The following PDE4D variants were observed in gnomAD, a reference collection of about 807,000 sequenced individuals.
The protein encoded by PDE4D is phosphodiesterase 4D.
Under a neutral mutation model 87.4 loss-of-function variants are expected in PDE4D, and 24 were observed. The ratio of observed to expected loss-of-function variants is 0.27; its 90% CI spans 0.20 to 0.39. The LOEUF is 0.39. Among genes scored for constraint, PDE4D ranks in the 10% least tolerant of loss-of-function variants. The pLI is 1.00. For missense variants in PDE4D, 714 were observed against 1,041.0 expected (o/e 0.69, Z 4.32); for synonymous variants, 384 against 383.2 (o/e 1.00, Z -0.02).
intron 5 of PDE4D, among the ~76,000 whole-genome samples, chr5:59,159,932 G>A (rs951373012): frequency 1.3e-5 from 2 of 152,074 alleles, no homozygotes; most frequent in South Asian, 2.1e-4. Flanking sequence ...TTTGCTGCTC[G>A]TTACTGTAGG....
chr5:59,839,637 T>C (rs1162790093), intron 1 of PDE4D, among the ~76,000 whole-genome samples: 1 of 152,044 alleles, frequency 6.6e-6, no homozygotes, highest in Non-Finnish European at 1.5e-5. Context: ...AGACTGTACA[T>C]TATTTTTCAT....
intron 1 of PDE4D, among the ~76,000 whole-genome samples, chr5:59,477,828 T>G (rs56213552): frequency 0.035 from 5,372 of 152,094 alleles, 316 homozygotes; most frequent in African/African-American, 0.12. Flanking sequence ...AAAGAAAATG[T>G]GGTACAAATA....
chr5:59,113,840 G>A (rs1021224654), intron 5 of PDE4D, among the ~76,000 whole-genome samples: 14 of 152,246 alleles, frequency 9.2e-5, no homozygotes, highest in African/African-American at 3.1e-4. Context: ...CAGATTTGTG[G>A]TGAGGATTAT....
At chr5:59,073,115 G>A (rs1332022876) in intron 5 of PDE4D, among the ~76,000 whole-genome samples, 1 of 152,096 alleles carries the variant, frequency 6.6e-6, no homozygotes, top group Non-Finnish European at 1.5e-5. Flanking sequence ...AAACTTTATT[G>A]AACAGTTGGT....
chr5:59,162,853 C>CAAAAAAAAAA lies in PDE4D; in HGVS notation c.808+17732_808+17741dup, dbSNP rs368976708. On this transcript the variant is annotated intron_variant, in intron 5 of 14. Coordinates refer to ENST00000340635, the MANE Select transcript of PDE4D (RefSeq NM_001104631.2). ...CTGAGCAAAAAGTGAGACCCTGCATCAAAAAAAAAAAAAATTGTAATTAAA... is the reference window on the plus strand; with the variant it reads ...CTGAGCAAAAAGTGAGACCCTGCATCAAAAAAAAAAAAAAAAAAAAAAAATTGTAATTAAA... 2.2e-4 allele frequency among the ~76,000 whole-genome samples: 27 copies of CAAAAAAAAAA among 121,556 alleles called. 1 individual carries two copies. Among genetic ancestry groups the CAAAAAAAAAA allele is most frequent in the East Asian group, 4.6e-4 (2 of 4,332 alleles). The allele number at this position is 121,556 out of a possible 152,430, so 79.7% of individuals were successfully genotyped here.
At chr5:60,150,528 T>C (rs933787623) in intron 2 of PDE4D, among the ~76,000 whole-genome samples, 6 of 152,032 alleles carry the variant, frequency 3.9e-5, no homozygotes, top group Admixed American at 3.3e-4. Flanking sequence ...TTAAAAAGTG[T>C]CTCTCAGAGA....
At chr5:60,114,523 G>A (rs1452663992) in intron 2 of PDE4D, among the ~76,000 whole-genome samples, 1 of 152,058 alleles carries the variant, frequency 6.6e-6, no homozygotes, top group Non-Finnish European at 1.5e-5. Flanking sequence ...TTTCAGAGCT[G>A]GAGGTCAAGA....
At chr5:59,259,014 TTTC>T (rs1761490854) in intron 1 of PDE4D, among the ~76,000 whole-genome samples, 1 of 151,860 alleles carries the variant, frequency 6.6e-6, no homozygotes, top group African/African-American at 2.4e-5. Flanking sequence ...TCCATTATCA[TTTC>T]ACTTGTGAGA....
intron 1 of PDE4D, among the ~76,000 whole-genome samples, chr5:59,501,610 C>T (rs970092739): frequency 6.6e-6 from 1 of 152,042 alleles, no homozygotes. Context: ...ACTTTCCAGA[C>T]AGAAAAAACC....
chr5:59,412,646 T>G (rs1422566018), intron 1 of PDE4D, among the ~76,000 whole-genome samples: 1 of 152,240 alleles, frequency 6.6e-6, no homozygotes, highest in African/African-American at 2.4e-5. Context: ...AGCAATACAA[T>G]GAGAGGTTGT....
At chr5:59,594,171 A>T (rs1484676087) in intron 1 of PDE4D, among the ~76,000 whole-genome samples, 1 of 151,080 alleles carries the variant, frequency 6.6e-6, no homozygotes, top group Non-Finnish European at 1.5e-5. Flanking sequence ...CCTGAAAAAC[A>T]CTTAGGAGAT....
intron 1 of PDE4D, among the ~76,000 whole-genome samples, chr5:59,403,584 T>C (rs1791078924): frequency 6.6e-6 from 1 of 152,064 alleles, no homozygotes; most frequent in Admixed American, 6.6e-5. Flanking sequence ...CCTGGATAAT[T>C]TCATTTAACA....
intron 1 of PDE4D, among the ~76,000 whole-genome samples, chr5:59,298,397 G>A (rs1357511766): frequency 6.6e-6 from 1 of 152,074 alleles, no homozygotes; most frequent in Non-Finnish European, 1.5e-5. Flanking sequence ...ATTACGGTGT[G>A]AGCCACCGTG....
chr5:60,020,360 G>GA (rs1345455845), intron 2 of PDE4D, among the ~76,000 whole-genome samples: 1 of 152,138 alleles, frequency 6.6e-6, no homozygotes, highest in African/African-American at 2.4e-5. Context: ...ACATGCTGTG[G>GA]AAAAATGGCA....
chr5:59,651,933 T>C (rs1469142046), intron 1 of PDE4D, among the ~76,000 whole-genome samples: 1 of 152,200 alleles, frequency 6.6e-6, no homozygotes, highest in Non-Finnish European at 1.5e-5. Flanking sequence ...TAAATTGCCT[T>C]AGCTAAAGAG....
intron 1 of PDE4D, among the ~76,000 whole-genome samples, chr5:59,604,590 C>T (rs1827937869): frequency 6.6e-6 from 1 of 151,826 alleles, no homozygotes; most frequent in Admixed American, 6.6e-5. Flanking sequence ...ACCAATAACC[C>T]AGAAGAAAAA....
chr5:60,337,362 T>G (rs1167292144), intron 1 of PDE4D, among the ~76,000 whole-genome samples: 1 of 105,090 alleles, frequency 9.5e-6, no homozygotes, highest in Non-Finnish European at 1.9e-5. Flanking sequence ...TATATATATA[T>G]ATATATATAT....
At chr5:59,502,991 G>A (rs1808596214) in intron 1 of PDE4D, among the ~76,000 whole-genome samples, 1 of 149,154 alleles carries the variant, frequency 6.7e-6, no homozygotes, top group Admixed American at 6.7e-5. Flanking sequence ...TCATTTAAAT[G>A]CTAAGTTCTG....
At chr5:59,845,017 C>T (rs1166624668) in intron 1 of PDE4D, among the ~76,000 whole-genome samples, 2 of 152,042 alleles carry the variant, frequency 1.3e-5, no homozygotes, top group Admixed American at 1.3e-4. Context: ...CTGAGAGCTG[C>T]CCCAGGCTGG....
Sources: gnomAD v4.1 joint callset for allele counts (sites outside exome capture counted in the v4.1 genomes callset) on GRCh38, gnomAD v4.1.1 for gene constraint, MANE v1.5 for transcripts, NCBI Gene and HGNC (gene_info 2026-07-23, HGNC 2026-07-21) for gene names.